Variants in IFRD1 observed in about 807,000 individuals in gnomAD.
The protein encoded by IFRD1 is interferon related developmental regulator 1, also known as interferon-related developmental regulator 1.
IFRD1 carries 35 observed loss-of-function variants against 52.9 expected under a neutral mutation model. The ratio of observed to expected loss-of-function variants is 0.66; its 90% CI spans 0.51 to 0.88. The LOEUF (loss-of-function observed/expected upper bound fraction) is 0.88, where lower values mean the gene tolerates loss of function less well. Among genes scored for constraint, IFRD1 ranks in the 40% least tolerant of loss-of-function variants. The probability of loss-of-function intolerance (pLI) is 0.00; values close to 1 mark genes in which losing one functional copy is unlikely to be tolerated. For missense variants in IFRD1, 517 were observed against 550.8 expected, an observed-to-expected ratio of 0.94 and a Z score of 0.61; for synonymous variants, 184 against 188.4, an observed-to-expected ratio of 0.98 and a Z score of 0.19.
intron 1 of IFRD1, among the ~76,000 whole-genome samples, chr7:112,424,697 G>C (rs980895395): frequency 6.6e-6 from 1 of 152,154 alleles, no homozygotes; most frequent in African/African-American, 2.4e-5. Flanking sequence ...TTGCAGGCCT[G>C]AGCCACCGTG....
At chr7:112,464,202 AACTG>A (rs1795550818) in intron 8 of IFRD1, among the ~76,000 whole-genome samples, 1 of 152,070 alleles carries the variant, frequency 6.6e-6, no homozygotes, top group Admixed American at 6.6e-5. Context: ...GCTTTTTGCT[AACTG>A]ACTTTCTGAT....
intron 8 of IFRD1, among the ~76,000 whole-genome samples, chr7:112,463,960 AT>A (rs2117316349): frequency 6.6e-6 from 1 of 150,480 alleles, no homozygotes; most frequent in Non-Finnish European, 1.5e-5. Context: ...ATCCAGACAT[AT>A]TTCATTTGAC....
At chr7:112,475,198 T>G (rs1795868466) in intron 11 of IFRD1, among the ~76,000 whole-genome samples, 1 of 152,218 alleles carries the variant, frequency 6.6e-6, no homozygotes, top group South Asian at 2.1e-4. Flanking sequence ...GACCTCGTGA[T>G]TCGCCCACCT....
chr7:112,446,260 G>C, upstream of IFRD1: 1 of 214,604 alleles, frequency 4.7e-6, no homozygotes, highest in Admixed American at 4.2e-5. Context: ...ACATTCATCT[G>C]AAGAGCACTC....
chr7:112,460,014 G>T (rs1475496143), intron 5 of IFRD1, among the ~76,000 whole-genome samples: 1 of 152,134 alleles, frequency 6.6e-6, no homozygotes, highest in Non-Finnish European at 1.5e-5. Context: ...GTGAATATGT[G>T]CAGCTTTTAA....
chr7:112,459,156 G>C (rs1230168271), intron 5 of IFRD1, 138 bp downstream of exon 5: 4 of 738,034 alleles, frequency 5.4e-6, no homozygotes, highest in Non-Finnish European at 9.5e-6. Context: ...TGAGGCAGCG[G>C]TGAGCTATAA....
At chr7:112,425,724 C>A (rs1192442321) in intron 1 of IFRD1, among the ~76,000 whole-genome samples, 1 of 152,098 alleles carries the variant, frequency 6.6e-6, no homozygotes, top group South Asian at 2.1e-4. Context: ...CTAATATATC[C>A]CCTTTCATAT....
Position 112,468,792 on chromosome 7 carries a change from C to T in IFRD1, c.1041+677C>T, listed in dbSNP as rs148584163. Among the ~76,000 whole-genome samples, 675 of 152,322 alleles carry T rather than the reference C, an allele frequency of 4.4e-3. 5 individuals carry two copies. The highest frequency in any genetic ancestry group is 0.011 in the South Asian group (52 of 4,824). ...GGATTACAGGCGTGAGCCACCGTGC[C>T]AGAGATCTTCATGATCTTTCTAGGA... On this transcript the variant is annotated intron_variant, in intron 9 of 11. Transcript: ENST00000403825.
chr7:112,467,404 G>A (rs1156685090), intron 8 of IFRD1: 1 of 153,386 alleles, frequency 6.5e-6, no homozygotes, highest in African/African-American at 2.4e-5. Context: ...TGACAAGGAA[G>A]CCCATAATCT....
chr7:112,463,729 A>G (rs1457919907), intron 8 of IFRD1, among the ~76,000 whole-genome samples: 3 of 151,842 alleles, frequency 2.0e-5, no homozygotes, highest in East Asian at 1.9e-4. Flanking sequence ...TTGGAAATGC[A>G]TTTTTAAAAT....
In IFRD1 at chr7:112,475,472, A is replaced by G. The variant is rs1795877494; in HGVS notation, c.1309A>G (p.Arg437Gly). ...SAAFKARTKA[R>G]SKCRDKRADV... ...AGCCTTCAAAGCTCGAACCAAAGCT[A>G]GAAGCAAATGTCGAGATAAGAGAGC... Residue 437 changes from arginine to glycine, a missense_variant, in exon 12 of 12, where the codon AGA (arginine) becomes GGA (glycine). Physicochemically the swap from Arg to Gly is moderately radical, Grantham distance 125 (BLOSUM62 -2). Coordinates refer to ENST00000403825, the MANE Select transcript of IFRD1 (RefSeq NM_001550.4). 6.2e-7 allele frequency: 1 copy of G among 1,612,812 alleles called. No individual in the cohort carries two copies. Among genetic ancestry groups the G allele is most frequent in the Non-Finnish European group, 8.5e-7 (1 of 1,179,130 alleles).
At chr7:112,452,336 T>C in intron 1 of IFRD1, 1 of 396,592 alleles carries the variant, frequency 2.5e-6, no homozygotes, top group Non-Finnish European at 3.4e-6. Context: ...ATTTTTTACA[T>C]TTTTTGTGGA....
chr7:112,447,554 C>T (rs1795058201), upstream of IFRD1, among the ~76,000 whole-genome samples: 1 of 152,178 alleles, frequency 6.6e-6, no homozygotes, highest in South Asian at 2.1e-4. Context: ...TGACACAGTT[C>T]TGGTCAACAT....
At chr7:112,475,406 C>T (rs370623942) in intron 11 of IFRD1, 24 bp from the exon 12 acceptor site, 7 of 1,414,710 alleles carry the variant, frequency 4.9e-6, no homozygotes, top group Middle Eastern at 3.6e-4. Context: ...TACTGATGCA[C>T]GTTTTTCCTT....
intron 1 of IFRD1, among the ~76,000 whole-genome samples, chr7:112,423,828 A>T (rs1311740730): frequency 6.6e-6 from 1 of 152,056 alleles, no homozygotes; most frequent in Non-Finnish European, 1.5e-5. Flanking sequence ...TCCATTTTTC[A>T]TATATGTGTT....
intron 1 of IFRD1, among the ~76,000 whole-genome samples, chr7:112,453,581 C>T (rs1462725155): frequency 6.6e-6 from 1 of 152,030 alleles, no homozygotes; most frequent in Non-Finnish European, 1.5e-5. Flanking sequence ...TGTGAATTGA[C>T]TTGTGAATAA....
At chr7:112,456,839 G>A in intron 3 of IFRD1, 75 bp from the exon 4 acceptor site, 2 of 1,387,170 alleles carry the variant, frequency 1.4e-6, no homozygotes, top group Non-Finnish European at 1.0e-6. Flanking sequence ...AGTTTAGAAG[G>A]AAATAAGATT....
At chr7:112,425,618 T>G (rs1446387787) in intron 1 of IFRD1, among the ~76,000 whole-genome samples, 1 of 152,200 alleles carries the variant, frequency 6.6e-6, no homozygotes, top group African/African-American at 2.4e-5. Context: ...ATTCTGGATT[T>G]GGACTGAGCC....
chr7:112,457,099 T>C, intron 4 of IFRD1, 61 bp downstream of exon 4: 1 of 1,554,448 alleles, frequency 6.4e-7, no homozygotes, highest in Non-Finnish European at 8.9e-7. Context: ...TATCTTCTTT[T>C]CAGTAACATT....
Sources: gnomAD v4.1 joint callset for allele counts (sites outside exome capture counted in the v4.1 genomes callset) on GRCh38, gnomAD v4.1.1 for gene constraint, MANE v1.5 for transcripts, NCBI Gene and HGNC (gene_info 2026-07-23, HGNC 2026-07-21) for gene names.